Variants in OSBPL5 observed in about 807,000 individuals in gnomAD.
The protein encoded by OSBPL5 is oxysterol binding protein like 5.
OSBPL5 carries 71 observed loss-of-function variants against 111.2 expected under a neutral mutation model. The observed-to-expected ratio is 0.64, with a 90% CI of 0.53 to 0.78. The LOEUF is 0.78. Ranked by LOEUF, OSBPL5 falls within the 30% of genes least tolerant of loss-of-function variation. The probability of loss-of-function intolerance (pLI) is 0.00; values close to 1 mark genes in which losing one functional copy is unlikely to be tolerated. For synonymous variants in OSBPL5, 549 were observed against 513.9 expected (o/e 1.07, Z -0.93); for missense variants, 1,210 against 1,189.3 (o/e 1.02, Z -0.26).
chr11:3,103,854 GTCTGCGCAGCCCCCTT>G lies in OSBPL5; in HGVS notation c.1244+323_1244+338del, dbSNP rs1564830714. Among the ~76,000 whole-genome samples, 82 of 103,442 alleles carry G rather than the reference GTCTGCGCAGCCCCCTT, an allele frequency of 7.9e-4. 3 individuals carry two copies. Among genetic ancestry groups the G allele is most frequent in the Admixed American group, 2.0e-3 (21 of 10,440 alleles). The allele number at this position is 103,442 out of a possible 152,430, so 67.9% of individuals were successfully genotyped here. A position where few individuals can be genotyped will look rare whatever the true frequency, so the allele number is the denominator to read the frequency against. Reference sequence around the variant, plus strand: ...TTCCAGCCTCTGCAGCCCCTTTCCAGTCTGCGCAGCCCCCTTCCTGCCTCTGTAGCCCCATTCCTGC... The same window carrying G: ...TTCCAGCCTCTGCAGCCCCTTTCCAGCCTGCCTCTGTAGCCCCATTCCTGC... On this transcript the variant is annotated intron_variant, in intron 10 of 21. Coordinates refer to ENST00000263650, the MANE Select transcript of OSBPL5 (RefSeq NM_020896.4).
chr11:3,089,912 G>A lies in OSBPL5; in HGVS notation c.2435C>T (p.Ala812Val), dbSNP rs767854463. 1.0e-5 allele frequency: 16 copies of A among 1,566,242 alleles called. No individual in the cohort carries two copies. The East Asian group carries it at 1.7e-4, about 16-fold the overall frequency. ...CTCGTGCAGGGCCTGCAGCCGCCGC[G>A]CCTCCTTCCTGCACCGAGGGCATGG... is the stretch of plus-strand genomic sequence containing the variant. Reference protein sequence around the residue: ...ESPCPRCRKEARRLQALHEAI... With the variant: ...ESPCPRCRKEVRRLQALHEAI... The change falls in exon 21 of 22, where the codon GCG becomes GTG. Residue 812 changes from alanine to valine, a missense_variant. By Grantham distance (64) the Ala-to-Val change is moderately conservative (BLOSUM62 0). Transcript: ENST00000263650.
chr11:3,112,327 T>A (rs1416194032), intron 7 of OSBPL5, among the ~76,000 whole-genome samples: 1 of 152,164 alleles, frequency 6.6e-6, no homozygotes, highest in Admixed American at 6.5e-5. Context: ...TAGCCTGGGG[T>A]TCCTTAAAGA....
rs891943408 is a variant in OSBPL5 at position 3,140,198 on chromosome 11, G to A, written c.-21-11029C>T. Reference sequence around the variant, plus strand: ...ACAGAGGTTGAGTCCTCAGAAGGAGGGAGGGGATAATTGCAGTGGTGTCTC... The same window carrying A: ...ACAGAGGTTGAGTCCTCAGAAGGAGAGAGGGGATAATTGCAGTGGTGTCTC... On this transcript the variant is annotated intron_variant, in intron 1 of 21. Transcript: ENST00000263650. This position sits in a 1 kb window ranked among gnomAD's most constrained non-coding sequence, Gnocchi z 4.5. Among the ~76,000 whole-genome samples, 1 of 152,232 alleles carries A rather than the reference G, an allele frequency of 6.6e-6. No individual in the cohort carries two copies. Among genetic ancestry groups the A allele is most frequent in the Admixed American group, 6.5e-5 (1 of 15,290 alleles).
intron 1 of OSBPL5, among the ~76,000 whole-genome samples, chr11:3,137,738 G>A (rs552939257): frequency 2.1e-4 from 32 of 152,350 alleles, no homozygotes; most frequent in African/African-American, 7.7e-4. Flanking sequence ...GAGCCTGGGA[G>A]GTCGAGGCTG....
rs1175759860 is a variant in OSBPL5 at position 3,122,106 on chromosome 11, C to T, written c.301-8G>A. ...GTAGTTCTCCTTCTGCGCCTGGGCC[C>T]GGGGCACCCGCGGTGGGTCATGGGA... is the stretch of plus-strand genomic sequence containing the variant. On this transcript the variant is annotated splice_polypyrimidine_tract_variant and splice_region_variant and intron_variant, in intron 4 of 21. Coordinates refer to ENST00000263650, the MANE Select transcript of OSBPL5 (RefSeq NM_020896.4). 22 of 1,556,252 alleles carry T rather than the reference C, an allele frequency of 1.4e-5. No individual in the cohort carries two copies. Among genetic ancestry groups the T allele is most frequent in the Non-Finnish European group, 1.7e-5 (20 of 1,156,056 alleles).
At chr11:3,160,112 G>T (rs1213783211) in intron 1 of OSBPL5, among the ~76,000 whole-genome samples, 1 of 152,142 alleles carries the variant, frequency 6.6e-6, no homozygotes, top group African/African-American at 2.4e-5. Context: ...GCTCTGGCTT[G>T]AATTTTGCTA....
chr11:3,100,288 G>T, intron 13 of OSBPL5, 32 bp from the exon 14 acceptor site: 3 of 1,603,322 alleles, frequency 1.9e-6, no homozygotes, highest in Non-Finnish European at 2.6e-6. Context: ...GGACCAGTGA[G>T]TGCGGACAGC....
chr11:3,107,639 T>C lies in OSBPL5; in HGVS notation c.866+132A>G. ...AGGAACCGAGGCTCCCAGGGCACAC[T>C]GCAGCGAACAAGTCCCTGCGTGCAG... On this transcript the variant is annotated intron_variant, in intron 8 of 21. Coordinates refer to ENST00000263650, the MANE Select transcript of OSBPL5 (RefSeq NM_020896.4). This position sits in a 1 kb window ranked among gnomAD's most constrained non-coding sequence, Gnocchi z 6.1. 4 of 1,382,744 alleles carry C rather than the reference T, an allele frequency of 2.9e-6. No individual in the cohort carries two copies. The highest frequency in any genetic ancestry group is 4.0e-6 in the Non-Finnish European group (4 of 1,005,716). The allele number at this position is 1,382,744 out of a possible 1,614,324, so 85.7% of individuals were successfully genotyped here. A position where few individuals can be genotyped will look rare whatever the true frequency, so the allele number is the denominator to read the frequency against.
At chr11:3,123,079 G>A (rs1858480718) in intron 3 of OSBPL5, among the ~76,000 whole-genome samples, 1 of 152,218 alleles carries the variant, frequency 6.6e-6, no homozygotes, top group Admixed American at 6.5e-5. Flanking sequence ...TCCCCTGGGA[G>A]CCGTGGGCAG....
At chr11:3,093,091 C>A in intron 17 of OSBPL5, 39 bp from the exon 18 acceptor site, 1 of 1,477,684 alleles carries the variant, frequency 6.8e-7, no homozygotes, top group South Asian at 1.3e-5. Context: ...GTGGCCCGGG[C>A]AGCCCGACCC....
At chr11:3,111,290 C>T (rs559007546) in intron 7 of OSBPL5, among the ~76,000 whole-genome samples, 181 of 152,082 alleles carry the variant, frequency 1.2e-3, no homozygotes, top group African/African-American at 3.5e-3. Context: ...GCTTCCATGA[C>T]GATGGAAGGC....
In OSBPL5 at chr11:3,122,060, G is replaced by A. The variant is rs1426160013; in HGVS notation, c.339C>T (p.Ala113=). 1.3e-6 allele frequency: 2 copies of A among 1,581,274 alleles called. No individual in the cohort carries two copies. The highest frequency in any genetic ancestry group is 1.7e-5 in the Admixed American group (1 of 57,254). Residue 113 remains alanine (A), a synonymous_variant, in exon 5 of 22, where the codon GCC becomes GCT. Coordinates refer to ENST00000263650, the MANE Select transcript of OSBPL5 (RefSeq NM_020896.4). ...KENYRQEKKR[A]TRQLLSALTD... ...TCAGAGCGCTGAGCAGCTGCCGTGT[G>A]GCGCGCTTCTTCTCCTGCCGGTAGT...
rs1857654649 is a variant in OSBPL5, at chr11:3,105,284, C to T, written c.1060-907G>A. On this transcript the variant is annotated intron_variant, in intron 9 of 21. Transcript: ENST00000263650. The surrounding 1 kb of genome is among the most constrained non-coding windows in gnomAD (Gnocchi z 5.2). ...GATGGAGTGTGGCCTGTGAGTCCTG[C>T]ATCAGGATCTCATCCCCGCTGCTGG... is the stretch of plus-strand genomic sequence containing the variant. 6.6e-6 allele frequency among the ~76,000 whole-genome samples: 1 copy of T among 152,198 alleles called. No individual in the cohort carries two copies. The highest frequency in any genetic ancestry group is 1.5e-5 in the Non-Finnish European group (1 of 68,022).
chr11:3,100,018 CAAA>C (rs398015214), intron 14 of OSBPL5, 137 bp downstream of exon 14: 2,365 of 447,524 alleles, frequency 5.3e-3, no homozygotes, highest in Middle Eastern at 7.2e-3. Context: ...AACTCCATCT[CAAA>C]AAAAAAAAAA....
chr11:3,102,414 A>G, intron 11 of OSBPL5, 133 bp from the exon 12 acceptor site: 1 of 757,976 alleles, frequency 1.3e-6, no homozygotes, highest in Non-Finnish European at 2.3e-6. Flanking sequence ...TGCTGCTAGC[A>G]TCTGGGAACA....
Position 3,089,937 on chromosome 11 carries a change from G to T in OSBPL5, c.2410C>A (p.Pro804Thr). The T allele has an allele frequency of 1.3e-6, 2 of 1,553,120 alleles. No individual in the cohort carries two copies. Reference sequence around the variant, plus strand: ...GCCTCCTTCCTGCACCGAGGGCATGGGCTCTCACCGCCTGGGACGGCCCCG... The same window carrying T: ...GCCTCCTTCCTGCACCGAGGGCATGTGCTCTCACCGCCTGGGACGGCCCCG... ...DGDFVPGGES[P>T]CPRCRKEARR... The change falls in exon 21 of 22, where the codon CCA becomes ACA. Residue 804 changes from proline (P) to threonine (T), a missense_variant. Pro to Thr is a conservative substitution (Grantham distance 38). Coordinates refer to ENST00000263650, the MANE Select transcript of OSBPL5 (RefSeq NM_020896.4).
At chr11:3,151,694 A>G (rs1394529571) in intron 1 of OSBPL5, among the ~76,000 whole-genome samples, 1 of 152,256 alleles carries the variant, frequency 6.6e-6, no homozygotes, top group Non-Finnish European at 1.5e-5. Context: ...GTTAATCCAA[A>G]AAGAAAACCG....
rs552700919 is a variant in OSBPL5 at position 3,106,820 on chromosome 11, A to T, written c.1059+443T>A. Among the ~76,000 whole-genome samples the T allele has an allele frequency of 2.6e-5, 4 of 152,068 alleles. No homozygotes were observed. Among genetic ancestry groups the T allele is most frequent in the Non-Finnish European group, 2.9e-5 (2 of 68,002 alleles). On this transcript the variant is annotated intron_variant, in intron 9 of 21. Transcript: ENST00000263650. The surrounding 1 kb of genome is among the most constrained non-coding windows in gnomAD (Gnocchi z 8.4). ...CCCAGAGCCCAGGTCTGTCTCATTC[A>T]TGGCTCTCCCAGGGCCCCAGGAGAG...
chr11:3,104,245 A>G lies in OSBPL5; in HGVS notation c.1192T>C (p.Ser398Pro). ...TAGTCGGAGAGCTTGTTCAGGAAGGAGCGCGGCTCCAGTACGAACGTGGGT... is the reference window on the plus strand; with the variant it reads ...TAGTCGGAGAGCTTGTTCAGGAAGGGGCGCGGCTCCAGTACGAACGTGGGT... ...VLPTFVLEPRSFLNKLSDYYY... is the reference protein window; with the variant it reads ...VLPTFVLEPRPFLNKLSDYYY... Residue 398 changes from serine (S) to proline (P), a missense_variant, in exon 10 of 22, where the codon TCC (serine) becomes CCC (proline). Transcript: ENST00000263650. This position sits in a 1 kb window ranked among gnomAD's most constrained non-coding sequence, Gnocchi z 5.0. 1 of 1,613,384 alleles carries G rather than the reference A, an allele frequency of 6.2e-7. No homozygotes were observed. Among genetic ancestry groups the G allele is most frequent in the Non-Finnish European group, 8.5e-7 (1 of 1,179,616 alleles).
Sources: gnomAD v4.1 joint callset for allele counts (sites outside exome capture counted in the v4.1 genomes callset) on GRCh38, gnomAD v4.1.1 for gene constraint, Gnocchi (gnomAD v3.1) non-coding constraint, MANE v1.5 for transcripts, NCBI Gene and HGNC (gene_info 2026-07-23, HGNC 2026-07-21) for gene names.